Variants in SLC16A14 observed in about 807,000 individuals in gnomAD.
The protein encoded by SLC16A14 is monocarboxylate transporter 14.
SLC16A14 carries 14 observed loss-of-function variants against 35.8 expected under a neutral mutation model. That is an observed-to-expected ratio of 0.39 (90% confidence interval 0.26 to 0.61). The LOEUF is 0.61. Among genes scored for constraint, SLC16A14 ranks in the 20% least tolerant of loss-of-function variants. The pLI is 0.51. For missense variants in SLC16A14, 533 were observed against 655.0 expected (o/e 0.81, Z 2.03); for synonymous variants, 248 against 258.9 (o/e 0.96, Z 0.40).
At chr2:230,066,313 A>G (rs1426233292) in intron 1 of SLC16A14, among the ~76,000 whole-genome samples, 1 of 152,134 alleles carries the variant, frequency 6.6e-6, no homozygotes, top group East Asian at 1.9e-4. Context: ...AGAAAAAAAA[A>G]AAGTAAAAGG....
At chr2:230,042,585 T>C (rs1220055743) in intron 4 of SLC16A14, among the ~76,000 whole-genome samples, 6 of 152,148 alleles carry the variant, frequency 3.9e-5, no homozygotes, top group East Asian at 3.9e-4. Flanking sequence ...CTGCATACAG[T>C]GTATCTGAAG....
intron 4 of SLC16A14, 41 bp downstream of exon 4, chr2:230,045,704 T>C (rs561288598): frequency 1.9e-6 from 3 of 1,611,094 alleles, no homozygotes; most frequent in Admixed American, 3.4e-5. Flanking sequence ...ACGCACCATA[T>C]GTACATGCAC....
chr2:230,035,110 T>A lies in SLC16A14; in HGVS notation c.*2270A>T, dbSNP rs2077510904. 1 of 152,142 alleles carries A rather than the reference T, an allele frequency of 6.6e-6. No individual in the cohort carries two copies. The highest frequency in any genetic ancestry group is 2.4e-5 in the African/African-American group (1 of 41,418). 9.4% of individuals were successfully genotyped at this position (152,142 alleles called of 1,614,324 possible). A position where few individuals can be genotyped will look rare whatever the true frequency, so the allele number is the denominator to read the frequency against. The stretch of plus-strand genomic sequence containing the variant: ...TATAATATCTTCAAACAACGGCAAA[T>A]AACATAAACAGGAAATATTTGCAGT... On this transcript the variant is annotated 3_prime_UTR_variant, in exon 5 of 5. Coordinates refer to ENST00000295190, the MANE Select transcript of SLC16A14 (RefSeq NM_152527.5).
chr2:230,052,170 C>G (rs1015026378), intron 2 of SLC16A14, among the ~76,000 whole-genome samples: 3 of 151,966 alleles, frequency 2.0e-5, no homozygotes, highest in Non-Finnish European at 4.4e-5. Context: ...CTCCTGACCT[C>G]GTGATCCGCC....
At chr2:230,050,325 T>G (rs1039592106) in intron 2 of SLC16A14, among the ~76,000 whole-genome samples, 1 of 152,222 alleles carries the variant, frequency 6.6e-6, no homozygotes, top group East Asian at 1.9e-4. Context: ...CCAAAGTTAG[T>G]TGGAGCTGTG....
chr2:230,059,657 G>C (rs571329583), intron 1 of SLC16A14, among the ~76,000 whole-genome samples: 14 of 152,256 alleles, frequency 9.2e-5, no homozygotes, highest in African/African-American at 3.4e-4. Flanking sequence ...ATTTAGTATG[G>C]TCAATTGGGA....
At chr2:230,051,336 T>G (rs1254492016) in intron 2 of SLC16A14, among the ~76,000 whole-genome samples, 2 of 152,156 alleles carry the variant, frequency 1.3e-5, no homozygotes, top group Admixed American at 1.3e-4. Flanking sequence ...TAATTTTGTA[T>G]TTTTTATAGA....
intron 2 of SLC16A14, among the ~76,000 whole-genome samples, chr2:230,055,481 G>A (rs2077697321): frequency 1.3e-5 from 2 of 152,160 alleles, no homozygotes; most frequent in South Asian, 4.2e-4. Flanking sequence ...TATCTGGCAG[G>A]CAGCTTTCCC....
At chr2:230,051,416 C>T (rs1193489708) in intron 2 of SLC16A14, among the ~76,000 whole-genome samples, 1 of 152,194 alleles carries the variant, frequency 6.6e-6, no homozygotes, top group Non-Finnish European at 1.5e-5. Context: ...CTGCCTTGGC[C>T]TCCCAAAGTG....
intron 2 of SLC16A14, among the ~76,000 whole-genome samples, chr2:230,054,785 C>T (rs2077691429): frequency 6.6e-6 from 1 of 151,760 alleles, no homozygotes; most frequent in Non-Finnish European, 1.5e-5. Flanking sequence ...ATTCATGCTA[C>T]TCATGGGGCT....
chr2:230,045,614 G>A, intron 4 of SLC16A14, 131 bp downstream of exon 4: 1 of 993,600 alleles, frequency 1.0e-6, no homozygotes, highest in Non-Finnish European at 1.5e-6. Context: ...AAATGAGAAA[G>A]TAAAGGGCAG....
chr2:230,044,736 G>GTGTGTGTGTGTGTGTA (rs575463088), intron 4 of SLC16A14, among the ~76,000 whole-genome samples: 18 of 107,104 alleles, frequency 1.7e-4, no homozygotes, highest in Middle Eastern at 8.5e-3. Flanking sequence ...GTGTGTGTGT[G>GTGTGTGTGTGTGTGTA]TATGTGTGTG....
Position 230,046,311 on chromosome 2 carries a change from C to G in SLC16A14, c.815G>C (p.Gly272Ala). ...GAGGGCACACATGTTCTTCCTGTGC[C>G]CGGCCTGATCGGGGCACTCCTGGGC... ...LQAQECPDQA[G>A]HRKNMCALRI... The change falls in exon 4 of 5, where the codon GGG (glycine) becomes GCG (alanine). Residue 272 changes from glycine (G) to alanine (A), a missense_variant. Physicochemically the swap from Gly to Ala is moderately conservative, Grantham distance 60. Coordinates refer to ENST00000295190, the MANE Select transcript of SLC16A14 (RefSeq NM_152527.5). This position sits in a 1 kb window ranked among gnomAD's most constrained non-coding sequence, Gnocchi z 5.0. 6.2e-7 allele frequency: 1 copy of G among 1,614,182 alleles called. No homozygotes were observed. Among genetic ancestry groups the G allele is most frequent in the Non-Finnish European group, 8.5e-7 (1 of 1,180,030 alleles).
Position 230,036,103 on chromosome 2 carries a change from AAT to A in SLC16A14, c.*1275_*1276del, listed in dbSNP as rs1281724419. 2.0e-5 allele frequency: 3 copies of A among 152,654 alleles called. No individual in the cohort carries two copies. The highest frequency in any genetic ancestry group is 7.2e-5 in the African/African-American group (3 of 41,466). 9.5% of individuals were successfully genotyped at this position (152,654 alleles called of 1,614,324 possible). ...TGATCAAATTGTGAGTAGAAATTTAAATAGTCTTAAACTATCTGTAAACAAGT... is the reference window on the plus strand; with the variant it reads ...TGATCAAATTGTGAGTAGAAATTTAAAGTCTTAAACTATCTGTAAACAAGT... On this transcript the variant is annotated 3_prime_UTR_variant, in exon 5 of 5. Coordinates refer to ENST00000295190, the MANE Select transcript of SLC16A14 (RefSeq NM_152527.5).
chr2:230,037,267 G>A lies in SLC16A14; in HGVS notation c.*113C>T. 3 of 930,432 alleles carry A rather than the reference G, an allele frequency of 3.2e-6. No individual in the cohort carries two copies. The highest frequency in any genetic ancestry group is 4.7e-6 in the Non-Finnish European group (3 of 638,976). The allele number at this position is 930,432 out of a possible 1,614,324, so 57.6% of individuals were successfully genotyped here. On this transcript the variant is annotated 3_prime_UTR_variant, in exon 5 of 5. Coordinates refer to ENST00000295190, the MANE Select transcript of SLC16A14 (RefSeq NM_152527.5). ...GTGACAATGGCATTTACAAATGACA[G>A]TGCCAGTTACCGTACAAAATGCTTT...
chr2:230,046,021 T>G lies in SLC16A14; in HGVS notation c.1105A>C (p.Ile369Leu), dbSNP rs754230670. The change falls in exon 4 of 5, where the codon ATC (isoleucine) becomes CTC (leucine). Residue 369 changes from isoleucine (I) to leucine (L), a missense_variant. Physicochemically the swap from Ile to Leu is conservative, Grantham distance 5 (BLOSUM62 2). Transcript: ENST00000295190. This position sits in a 1 kb window ranked among gnomAD's most constrained non-coding sequence, Gnocchi z 5.0. ...IAIVHIFGKV[I>L]LGVIADLPCI... ...GGCAAGTCGGCTATGACGCCCAGGA[T>G]CACTTTTCCAAAGATGTGAACTATT... The G allele has an allele frequency of 1.5e-5, 24 of 1,613,908 alleles. No homozygotes were observed. In the East Asian group the frequency reaches 5.3e-4, roughly 36 times the overall value.
chr2:230,056,133 C>A (rs762114595), intron 2 of SLC16A14, among the ~76,000 whole-genome samples: 1 of 152,132 alleles, frequency 6.6e-6, no homozygotes, highest in Admixed American at 6.6e-5. Flanking sequence ...TAAAACTATC[C>A]GTATTAATTC....
At chr2:230,055,637 A>T (rs1380085773) in intron 2 of SLC16A14, among the ~76,000 whole-genome samples, 5 of 152,182 alleles carry the variant, frequency 3.3e-5, no homozygotes, top group African/African-American at 9.6e-5. Context: ...TATTTTGGGG[A>T]TCATCTTTAA....
intron 4 of SLC16A14, among the ~76,000 whole-genome samples, chr2:230,044,132 G>T (rs1186927995): frequency 6.6e-5 from 10 of 152,118 alleles, no homozygotes; most frequent in Non-Finnish European, 1.2e-4. Flanking sequence ...GGGGAGATGA[G>T]CCTGGATTTC....
Sources: gnomAD v4.1 joint callset for allele counts (sites outside exome capture counted in the v4.1 genomes callset) on GRCh38, gnomAD v4.1.1 for gene constraint, Gnocchi (gnomAD v3.1) non-coding constraint, MANE v1.5 for transcripts, NCBI Gene and HGNC (gene_info 2026-07-23, HGNC 2026-07-21) for gene names.